Variants in VWA3B observed in about 807,000 individuals in gnomAD.
VWA3B encodes the protein von Willebrand factor A domain containing 3B.
In VWA3B, 138 loss-of-function variants were observed where a neutral mutation model predicts 158.3. That is an observed-to-expected ratio of 0.87 (90% CI 0.76 to 1.00). VWA3B has a LOEUF of 1.00. VWA3B is among the 50% of genes least tolerant of loss of function. The probability of loss-of-function intolerance (pLI) is 0.00; values close to 1 mark genes in which losing one functional copy is unlikely to be tolerated. For synonymous variants in VWA3B, 596 were observed against 587.3 expected (o/e 1.01, Z -0.21); for missense variants, 1,555 against 1,565.1 (o/e 0.99, Z 0.11).
chr2:98,130,229 G>T (rs997416009), intron 6 of VWA3B, among the ~76,000 whole-genome samples: 5 of 152,218 alleles, frequency 3.3e-5, no homozygotes, highest in African/African-American at 4.8e-5. Context: ...CAGTATTGCT[G>T]CCAGCTTGTC....
At chr2:98,327,348 G>A in the VWA3B span, among the ~76,000 whole-genome samples, 1 of 151,986 alleles carries the variant, frequency 6.6e-6, no homozygotes, top group Non-Finnish European at 1.5e-5. Flanking sequence ...AGAAAATAAG[G>A]GAGAAGGTAA....
chr2:98,156,672 T>G (rs1171844238), intron 7 of VWA3B, among the ~76,000 whole-genome samples: 8 of 151,936 alleles, frequency 5.3e-5, no homozygotes, highest in East Asian at 3.9e-4. Context: ...CTCAGTTTTT[T>G]TTTTTTTTTT....
At position 98,268,176 on chromosome 2, in the gene VWA3B, C is replaced by G. The variant is rs1222320817; in HGVS notation, c.2844-2506C>G. On this transcript the variant is annotated intron_variant, in intron 21 of 27. Transcript: ENST00000477737. Reference sequence around the variant, plus strand: ...ATCAATAGAAAAAGAGGGAATCCTCCCTAACTCATTTTATGAGGCCAGCAT... The same window carrying G: ...ATCAATAGAAAAAGAGGGAATCCTCGCTAACTCATTTTATGAGGCCAGCAT... Among the ~76,000 whole-genome samples the G allele has an allele frequency of 4.0e-5, 6 of 151,480 alleles. No homozygotes were observed. The East Asian group carries it at 1.2e-3, about 29-fold the overall frequency.
At chr2:98,318,501 A>G in the VWA3B span, among the ~76,000 whole-genome samples, 1 of 152,230 alleles carries the variant, frequency 6.6e-6, no homozygotes, top group Non-Finnish European at 1.5e-5. Flanking sequence ...GTTCTCACTT[A>G]TAAGTGGGAA....
intron 22 of VWA3B, among the ~76,000 whole-genome samples, chr2:98,278,673 G>A (rs539328353): frequency 2.6e-4 from 39 of 152,224 alleles, no homozygotes; most frequent in Non-Finnish European, 3.7e-4. Flanking sequence ...TCTCAACGAC[G>A]TCAGGCTGCT....
Position 98,312,305 on chromosome 2 carries a change from A to C in VWA3B, c.3841A>C (p.Thr1281Pro). The change falls in exon 28 of 28, where the codon ACC becomes CCC. Residue 1281 changes from threonine (T) to proline (P), a missense_variant. Thr to Pro is a conservative substitution (Grantham distance 38, BLOSUM62 -1). Transcript: ENST00000477737. ...AGCCCTGCCCTGTACTCTCCAAGCC[A>C]CCCACAGCAGCAAAGGGCTGAGGAG... ...RAALPCTLQA[T>P]HSSKGLRSVP... The C allele has an allele frequency of 6.2e-7, 1 of 1,613,842 alleles. No homozygotes were observed. Among genetic ancestry groups the C allele is most frequent in the Non-Finnish European group, 8.5e-7 (1 of 1,179,872 alleles).
intron 8 of VWA3B, 101 bp from the exon 9 acceptor site, chr2:98,180,915 T>C: frequency 2.6e-6 from 3 of 1,155,592 alleles, no homozygotes; most frequent in Non-Finnish European, 3.6e-6. Flanking sequence ...ATGGGCTTTG[T>C]GTCTAATAAA....
At chr2:98,274,908 A>T (rs1364373852) in intron 22 of VWA3B, among the ~76,000 whole-genome samples, 1 of 152,206 alleles carries the variant, frequency 6.6e-6, no homozygotes, top group African/African-American at 2.4e-5. Flanking sequence ...GAAGGTGCTC[A>T]CAAAACTTCT....
intron 22 of VWA3B, among the ~76,000 whole-genome samples, chr2:98,276,422 A>G (rs1688525028): frequency 6.6e-6 from 1 of 152,242 alleles, no homozygotes; most frequent in Non-Finnish European, 1.5e-5. Flanking sequence ...ATATGTAAAT[A>G]CAGTCTCATT....
At chr2:98,257,241 C>T (rs2105829010) in intron 21 of VWA3B, among the ~76,000 whole-genome samples, 1 of 152,160 alleles carries the variant, frequency 6.6e-6, no homozygotes, top group Middle Eastern at 3.4e-3. Context: ...CACTTAATAT[C>T]ATGACCTCCA....
intron 26 of VWA3B, among the ~76,000 whole-genome samples, chr2:98,308,969 C>T (rs968127045): frequency 2.6e-5 from 4 of 151,944 alleles, no homozygotes; most frequent in Non-Finnish European, 2.9e-5. Flanking sequence ...GTCAGGAGTT[C>T]GAGACCAGCC....
intron 13 of VWA3B, chr2:98,216,980 G>GC (rs375378445): frequency 5.0e-6 from 5 of 993,770 alleles, no homozygotes; most frequent in Non-Finnish European, 5.1e-6. Context: ...ATCATTGTAA[G>GC]CACCCGCCCC....
chr2:98,168,198 T>C (rs1355792072), intron 8 of VWA3B, among the ~76,000 whole-genome samples: 1 of 152,224 alleles, frequency 6.6e-6, no homozygotes, highest in Non-Finnish European at 1.5e-5. Flanking sequence ...CTCAGAGTTA[T>C]AACTGTATTC....
intron 19 of VWA3B, among the ~76,000 whole-genome samples, chr2:98,238,644 A>G (rs1685867351): frequency 6.6e-6 from 1 of 152,214 alleles, no homozygotes. Flanking sequence ...TAAAGGAAAG[A>G]TTTATAGGCT....
intron 12 of VWA3B, among the ~76,000 whole-genome samples, chr2:98,211,183 T>G (rs1683476760): frequency 6.6e-6 from 1 of 152,214 alleles, no homozygotes; most frequent in Non-Finnish European, 1.5e-5. Context: ...TCCTTCCTGT[T>G]TGAATCAACC....
At chr2:98,255,656 G>C (rs896646445) in intron 20 of VWA3B, among the ~76,000 whole-genome samples, 1 of 152,032 alleles carries the variant, frequency 6.6e-6, no homozygotes, top group African/African-American at 2.4e-5. Flanking sequence ...GCCTCGTTTG[G>C]AAAACAAGGC....
intron 2 of VWA3B, among the ~76,000 whole-genome samples, chr2:98,104,956 T>C (rs1385165331): frequency 6.6e-6 from 1 of 152,210 alleles, no homozygotes; most frequent in African/African-American, 2.4e-5. Context: ...TTAATGTATT[T>C]TATTTTTACA....
At chr2:98,192,819 T>G in intron 10 of VWA3B, 79 bp from the exon 11 acceptor site, 2 of 1,587,934 alleles carry the variant, frequency 1.3e-6, no homozygotes, top group African/African-American at 1.3e-5. Flanking sequence ...CCTCTGCAGA[T>G]GCATCGTTAA....
intron 6 of VWA3B, among the ~76,000 whole-genome samples, chr2:98,130,464 C>T (rs1166735229): frequency 6.6e-6 from 1 of 152,182 alleles, no homozygotes; most frequent in Admixed American, 6.5e-5. Flanking sequence ...TCCCACGAGG[C>T]CATATTTCAG....
Sources: allele counts gnomAD v4.1 joint callset (sites outside exome capture counted in the v4.1 genomes callset), GRCh38; gene constraint gnomAD v4.1.1; transcripts MANE v1.5; gene names NCBI Gene and HGNC (gene_info 2026-07-23, HGNC 2026-07-21).